TBC1D1: variants seen among roughly 807,000 people sequenced by gnomAD.
TBC1D1 encodes the protein TBC1 domain family member 1.
In TBC1D1, 89 loss-of-function variants were observed where a neutral mutation model predicts 125.6. The observed-to-expected ratio is 0.71, with a 90% CI of 0.60 to 0.85. The LOEUF (loss-of-function observed/expected upper bound fraction) is 0.85. Ranked by LOEUF, TBC1D1 falls within the 40% of genes least tolerant of loss-of-function variation. The probability of loss-of-function intolerance (pLI) is 0.00; values close to 1 mark genes in which losing one functional copy is unlikely to be tolerated. For synonymous variants in TBC1D1, 565 were observed against 564.1 expected, an observed-to-expected ratio of 1.00 and a Z score of -0.02; for missense variants, 1,377 against 1,469.2, an observed-to-expected ratio of 0.94 and a Z score of 1.03.
chr4:37,893,894 C>T (rs2152203086), intron 1 of TBC1D1, among the ~76,000 whole-genome samples: 1 of 152,126 alleles, frequency 6.6e-6, no homozygotes, highest in East Asian at 1.9e-4. Context: ...CCTTCACTGA[C>T]TTTTCTTCCT....
chr4:38,122,862 C>CT (rs748589418), intron 17 of TBC1D1, among the ~76,000 whole-genome samples: 10 of 152,284 alleles, frequency 6.6e-5, no homozygotes, highest in South Asian at 6.2e-4. Flanking sequence ...AGTGCTATGT[C>CT]TTAATTTTTT....
chr4:37,937,386 T>C (rs1474233098), intron 2 of TBC1D1, among the ~76,000 whole-genome samples: 2 of 152,144 alleles, frequency 1.3e-5, no homozygotes, highest in Non-Finnish European at 2.9e-5. Flanking sequence ...TGTCTAAGCA[T>C]AATAAATGCT....
chr4:38,115,098 C>CTTTTTT (rs56997021), intron 15 of TBC1D1, among the ~76,000 whole-genome samples: 18 of 134,682 alleles, frequency 1.3e-4, no homozygotes, highest in African/African-American at 4.2e-4. Flanking sequence ...TTTCTTTTTT[C>CTTTTTT]TTTTTTTTTT....
intron 2 of TBC1D1, among the ~76,000 whole-genome samples, chr4:38,011,244 T>G (rs1741416682): frequency 6.6e-6 from 1 of 150,956 alleles, no homozygotes; most frequent in South Asian, 2.1e-4. Context: ...TCCTAGCTAC[T>G]CGGGAGGCTG....
intron 2 of TBC1D1, among the ~76,000 whole-genome samples, chr4:37,949,398 A>G (rs1489858870): frequency 6.6e-6 from 1 of 152,198 alleles, no homozygotes. Context: ...TTCTTACACT[A>G]TTCTGTGTGC....
intron 13 of TBC1D1, among the ~76,000 whole-genome samples, chr4:38,090,804 G>A (rs1032279141): frequency 1.3e-5 from 2 of 152,202 alleles, no homozygotes; most frequent in Non-Finnish European, 2.9e-5. Flanking sequence ...TTTTGAGCAG[G>A]AAGTCTGCAT....
intron 15 of TBC1D1, among the ~76,000 whole-genome samples, chr4:38,108,666 G>A (rs776855535): frequency 6.6e-6 from 1 of 152,228 alleles, no homozygotes; most frequent in South Asian, 2.1e-4. Flanking sequence ...GGGTCCAGCA[G>A]CAGAGCTGTC....
At chr4:37,980,755 G>A (rs1295478569) in intron 2 of TBC1D1, among the ~76,000 whole-genome samples, 1 of 152,126 alleles carries the variant, frequency 6.6e-6, no homozygotes, top group Non-Finnish European at 1.5e-5. Flanking sequence ...TGTATTTAAT[G>A]TATTAATTAA....
At chr4:37,972,918 AAAAGAAAATAGTGTATTTGAGTATAGG>A (rs1263243898) in intron 2 of TBC1D1, among the ~76,000 whole-genome samples, 30 of 152,106 alleles carry the variant, frequency 2.0e-4, no homozygotes, top group African/African-American at 7.2e-4. Flanking sequence ...AAAAAAAAAA[AAAAGAAAATAGTGTATTTGAGTATAGG>A]ATTAGATTTT....
chr4:38,014,906 A>G lies in TBC1D1; in HGVS notation c.815A>G (p.His272Arg). The G allele has an allele frequency of 6.3e-7, 1 of 1,598,386 alleles. No homozygotes were observed. The highest frequency in any genetic ancestry group is 8.6e-7 in the Non-Finnish European group (1 of 1,169,002). ...TTCGAGGAGAGCGACATTGAGAACC[A>G]CCTCATTAGCGGACACAATATTGTG... Residue 272 changes from histidine (H) to arginine (R), a missense_variant, in exon 3 of 20, where the codon CAC (histidine) becomes CGC (arginine). His to Arg is a conservative substitution (Grantham distance 29, BLOSUM62 0). Coordinates refer to ENST00000261439, the MANE Select transcript of TBC1D1 (RefSeq NM_015173.4). This position sits in a 1 kb window ranked among gnomAD's most constrained non-coding sequence, Gnocchi z 5.1.
In TBC1D1 at chr4:37,902,370, G is replaced by A. The variant is rs1159722384; in HGVS notation, c.275G>A (p.Ser92Asn). 2 of 1,614,190 alleles carry A rather than the reference G, an allele frequency of 1.2e-6. No homozygotes were observed. The highest frequency in any genetic ancestry group is 1.7e-6 in the Non-Finnish European group (2 of 1,180,046). The change falls in exon 2 of 20, where the codon AGC (serine) becomes AAC (asparagine). Residue 92 changes from serine (S) to asparagine (N), a missense_variant. Coordinates refer to ENST00000261439, the MANE Select transcript of TBC1D1 (RefSeq NM_015173.4). ...CAGTGGGATCCCCTGATCTATTCCA[G>A]CATCTTTGAGTGCAAGCCTCAGCGT...
chr4:38,080,441 C>G (rs955741049), intron 12 of TBC1D1, among the ~76,000 whole-genome samples: 4 of 152,352 alleles, frequency 2.6e-5, no homozygotes, highest in Middle Eastern at 3.4e-3. Flanking sequence ...TTGCCCAGCA[C>G]AGGAGGCCCT....
chr4:37,986,220 T>G (rs966834408), intron 2 of TBC1D1, among the ~76,000 whole-genome samples: 12 of 152,176 alleles, frequency 7.9e-5, no homozygotes, highest in African/African-American at 2.4e-4. Flanking sequence ...CATTTGTTCT[T>G]TTCTACATGG....
At chr4:38,105,335 C>A (rs1024103816) in intron 15 of TBC1D1, among the ~76,000 whole-genome samples, 1 of 152,158 alleles carries the variant, frequency 6.6e-6, no homozygotes, top group Non-Finnish European at 1.5e-5. Context: ...TGTTCTGTTT[C>A]TCTTTAGAGT....
At chr4:38,050,646 C>T (rs1419672205) in intron 11 of TBC1D1, among the ~76,000 whole-genome samples, 1 of 152,216 alleles carries the variant, frequency 6.6e-6, no homozygotes, top group Admixed American at 6.5e-5. Context: ...AAAAATCTCT[C>T]ACCTAATATG....
intron 2 of TBC1D1, among the ~76,000 whole-genome samples, chr4:38,008,394 A>G (rs147157789): frequency 2.0e-5 from 3 of 152,288 alleles, no homozygotes; most frequent in African/African-American, 7.2e-5. Flanking sequence ...TGAATCTTTT[A>G]AACAATTATT....
rs202187536 is a variant in TBC1D1, at chr4:38,030,886, AT to A, written c.1302+3008del. 9.0e-3 allele frequency among the ~76,000 whole-genome samples: 1,372 copies of A among 152,340 alleles called. 20 individuals carry two copies. The highest frequency in any genetic ancestry group is 0.031 in the African/African-American group (1,305 of 41,574). On this transcript the variant is annotated intron_variant, in intron 7 of 19. Coordinates refer to ENST00000261439, the MANE Select transcript of TBC1D1 (RefSeq NM_015173.4). ...ATGTAAATGAATATTAAATCAAAAA[AT>A]GGAACTCTAACAGCTATAAAGAAAT...
At chr4:37,922,687 T>A (rs1190277736) in intron 2 of TBC1D1, among the ~76,000 whole-genome samples, 2 of 152,226 alleles carry the variant, frequency 1.3e-5, no homozygotes, top group African/African-American at 4.8e-5. Context: ...TACAGAATAT[T>A]CCTCCTTTTT....
chr4:37,964,453 G>C (rs538783770), intron 2 of TBC1D1, among the ~76,000 whole-genome samples: 1 of 152,204 alleles, frequency 6.6e-6, no homozygotes, highest in Non-Finnish European at 1.5e-5. Context: ...AGGCTGTGGC[G>C]AGGACCAAGC....
Sources: allele counts gnomAD v4.1 joint callset (sites outside exome capture counted in the v4.1 genomes callset), GRCh38; gene constraint gnomAD v4.1.1; non-coding constraint Gnocchi (gnomAD v3.1); transcripts MANE v1.5; gene names NCBI Gene and HGNC (gene_info 2026-07-23, HGNC 2026-07-21).